The following PCDH15 variants were observed in gnomAD, a reference collection of about 807,000 sequenced individuals.
The protein encoded by PCDH15 is protocadherin related 15.
PCDH15 carries 129 observed loss-of-function variants against 178.5 expected under a neutral mutation model. That is an observed-to-expected ratio of 0.72 (90% CI 0.63 to 0.84). The LOEUF (loss-of-function observed/expected upper bound fraction) is 0.84, where lower values mean the gene tolerates loss of function less well. PCDH15 is among the 40% of genes least tolerant of loss of function. PCDH15 has a pLI of 0.00. For synonymous variants in PCDH15, 800 were observed against 732.0 expected, an observed-to-expected ratio of 1.09 and a Z score of -1.50; for missense variants, 2,230 against 2,099.9, an observed-to-expected ratio of 1.06 and a Z score of -1.21.
intron 2 of PCDH15, among the ~76,000 whole-genome samples, chr10:55,095,089 TTTG>T (rs968046747): frequency 6.6e-6 from 1 of 151,724 alleles, no homozygotes; most frequent in Non-Finnish European, 1.5e-5. Context: ...CCTGGCTAAT[TTTG>T]TTGTTGTTGT....
chr10:54,965,324 T>G (rs1395228133), intron 2 of PCDH15, among the ~76,000 whole-genome samples: 1 of 152,068 alleles, frequency 6.6e-6, no homozygotes, highest in Non-Finnish European at 1.5e-5. Context: ...AACTGAATCA[T>G]GGGGGTGGAT....
intron 2 of PCDH15, among the ~76,000 whole-genome samples, chr10:55,095,417 T>C (rs1234633047): frequency 6.6e-6 from 1 of 152,068 alleles, no homozygotes; most frequent in African/African-American, 2.4e-5. Context: ...TATTTTATAT[T>C]TAATTTTGAA....
chr10:54,958,629 C>T (rs191243549), intron 2 of PCDH15, among the ~76,000 whole-genome samples: 3 of 151,658 alleles, frequency 2.0e-5, no homozygotes, highest in Admixed American at 1.3e-4. Flanking sequence ...TATATCACCT[C>T]AGAATTTAAA....
intron 9 of PCDH15, among the ~76,000 whole-genome samples, chr10:54,219,726 A>G (rs1392394482): frequency 6.6e-6 from 1 of 151,882 alleles, no homozygotes. Flanking sequence ...AAAAGAAACT[A>G]AAAAACAAAA....
intron 8 of PCDH15, among the ~76,000 whole-genome samples, chr10:54,314,240 T>C (rs2061092206): frequency 6.6e-6 from 1 of 152,088 alleles, no homozygotes; most frequent in East Asian, 1.9e-4. Flanking sequence ...TGTTTCAGCA[T>C]ATTTGTTTTT....
At chr10:54,607,838 A>T (rs757628448) in intron 2 of PCDH15, 2 of 527,498 alleles carry the variant, frequency 3.8e-6, no homozygotes, top group Non-Finnish European at 7.7e-6. Flanking sequence ...ATATGATGCC[A>T]TGAGGCCTAC....
intron 1 of PCDH15, among the ~76,000 whole-genome samples, chr10:54,759,407 AG>A (rs1803525248): frequency 6.6e-6 from 1 of 152,216 alleles, no homozygotes; most frequent in Non-Finnish European, 1.5e-5. Flanking sequence ...TTTCCTAAAA[AG>A]GATATATTAA....
chr10:55,454,900 AT>A (rs1435137228), intron 2 of PCDH15, among the ~76,000 whole-genome samples: 1 of 151,894 alleles, frequency 6.6e-6, no homozygotes, highest in East Asian at 1.9e-4. Flanking sequence ...CCTGAGTTTT[AT>A]TACGAAATTA....
chr10:54,895,955 C>T (rs1350147240), intron 3 of PCDH15, among the ~76,000 whole-genome samples: 7 of 92,366 alleles, frequency 7.6e-5, no homozygotes, highest in Admixed American at 5.8e-4. Context: ...GGCACTATCT[C>T]GGCTCACCAC....
chr10:54,486,181 A>T (rs901674462), intron 3 of PCDH15: 1 of 152,034 alleles, frequency 6.6e-6, no homozygotes, highest in Non-Finnish European at 1.5e-5. Context: ...CAATTCAGTC[A>T]GTAGCTTGGG....
intron 3 of PCDH15, among the ~76,000 whole-genome samples, chr10:54,413,074 T>C (rs946626002): frequency 9.2e-5 from 14 of 152,226 alleles, no homozygotes; most frequent in African/African-American, 3.4e-4. Context: ...CATGAACATA[T>C]GTTTAGCAGG....
chr10:54,963,052 T>C (rs1838694925), intron 2 of PCDH15, among the ~76,000 whole-genome samples: 1 of 152,254 alleles, frequency 6.6e-6, no homozygotes, highest in Non-Finnish European at 1.5e-5. Context: ...TTTCATGTCA[T>C]AAATCTCTAC....
chr10:54,118,196 A>T (rs2095149296), intron 15 of PCDH15, among the ~76,000 whole-genome samples: 1 of 152,182 alleles, frequency 6.6e-6, no homozygotes. Context: ...AAACAAACCC[A>T]TATACTAATG....
intron 2 of PCDH15, among the ~76,000 whole-genome samples, chr10:55,071,768 C>A (rs1212257815): frequency 6.6e-6 from 1 of 152,130 alleles, no homozygotes; most frequent in Non-Finnish European, 1.5e-5. Flanking sequence ...CTACAGAACT[C>A]TCCACCCCAA....
intron 1 of PCDH15, among the ~76,000 whole-genome samples, chr10:54,687,854 C>A (rs2095041740): frequency 6.6e-6 from 1 of 151,986 alleles, no homozygotes; most frequent in African/African-American, 2.4e-5. Flanking sequence ...CATCCTTGAA[C>A]AATATCTGCC....
At chr10:55,376,062 AG>A (rs1402153709) in intron 2 of PCDH15, among the ~76,000 whole-genome samples, 2 of 151,964 alleles carry the variant, frequency 1.3e-5, no homozygotes, top group Admixed American at 6.6e-5. Context: ...ATTCCTCAAA[AG>A]ATTATTACAG....
chr10:54,465,716 T>A (rs890151379), intron 3 of PCDH15, among the ~76,000 whole-genome samples: 5 of 152,036 alleles, frequency 3.3e-5, no homozygotes, highest in African/African-American at 1.2e-4. Context: ...GGTGCAGGTA[T>A]CTTTTTGATA....
intron 1 of PCDH15, among the ~76,000 whole-genome samples, chr10:55,282,649 A>ATT: frequency 6.6e-6 from 1 of 152,124 alleles, no homozygotes; most frequent in Non-Finnish European, 1.5e-5. Flanking sequence ...TTACAAATAT[A>ATT]ATTTTTTGTT....
intron 1 of PCDH15, among the ~76,000 whole-genome samples, chr10:55,287,880 T>C (rs1311171690): frequency 6.6e-6 from 1 of 151,908 alleles, no homozygotes; most frequent in Non-Finnish European, 1.5e-5. Context: ...CCACACCAAA[T>C]TATTATTAAT....
Sources: allele counts gnomAD v4.1 joint callset (sites outside exome capture counted in the v4.1 genomes callset), GRCh38; gene constraint gnomAD v4.1.1; transcripts MANE v1.5; gene names NCBI Gene and HGNC (gene_info 2026-07-23, HGNC 2026-07-21).